ECT2: variants seen among roughly 807,000 people sequenced by gnomAD.
The protein encoded by ECT2 is epithelial cell transforming 2.
In ECT2, 61 loss-of-function variants were observed where a neutral mutation model predicts 116.9. That is an observed-to-expected ratio of 0.52 (90% confidence interval 0.42 to 0.65). The LOEUF is 0.65. ECT2 is among the 30% of genes least tolerant of loss of function. The pLI, the probability that ECT2 is intolerant of heterozygous loss-of-function variation, is 0.00. For synonymous variants in ECT2, 358 were observed against 346.4 expected (o/e 1.03, Z -0.37); for missense variants, 937 against 1,078.7 (o/e 0.87, Z 1.84).
At position 172,818,758 on chromosome 3, in the gene ECT2, G is replaced by A. The variant is rs890515089; in HGVS notation, c.2656-1390G>A. ...TCTTTCCAAGTCATCTTTGACATTT[G>A]TGAAGAATTAGGAGATTTGCCAACC... On this transcript the variant is annotated intron_variant, in intron 24 of 24. Coordinates refer to ENST00000392692, the MANE Select transcript of ECT2 (RefSeq NM_001258315.2). The A allele has an allele frequency of 6.2e-6, 8 of 1,284,698 alleles. No individual in the cohort carries two copies. The Admixed American group carries it at 1.6e-4, about 26-fold the overall frequency. The allele number at this position is 1,284,698 out of a possible 1,614,324, so 79.6% of individuals were successfully genotyped here.
the ECT2 span, chr3:172,829,139 C>G: frequency 3.0e-6 from 2 of 667,354 alleles, no homozygotes; most frequent in Non-Finnish European, 5.6e-6. Flanking sequence ...TGGATCTGAG[C>G]CGGAGAAATG....
In ECT2 at chr3:172,774,000, T is replaced by G; in HGVS notation, c.1526T>G (p.Phe509Cys). 1 of 1,612,554 alleles carries G rather than the reference T, an allele frequency of 6.2e-7. No individual in the cohort carries two copies. Among genetic ancestry groups the G allele is most frequent in the Non-Finnish European group, 8.5e-7 (1 of 1,178,598 alleles). The change falls in exon 14 of 25, where the codon TTT becomes TGT. Residue 509 changes from phenylalanine to cysteine, a missense_variant. Coordinates refer to ENST00000392692, the MANE Select transcript of ECT2 (RefSeq NM_001258315.2). ...KTIFGSIPDI[F>C]DVHTKIKDDL... ...ATTTTTGGTAGCATCCCAGATATCT[T>G]TGATGTACACACTAAGATAAAGGTA...
At position 172,759,056 on chromosome 3, in the gene ECT2, A is replaced by T; in HGVS notation, c.563A>T (p.Lys188Ile). ...NLVLCFTGFRKKEELVRLVTL... is the reference protein window; with the variant it reads ...NLVLCFTGFRIKEELVRLVTL... ...GTACTATGCTTTACTGGATTTAGGA[A>T]AAAAGAAGAACTAGTAAGTATTACG... The change falls in exon 6 of 25, where the codon AAA becomes ATA. Residue 188 changes from lysine to isoleucine, a missense_variant. Coordinates refer to ENST00000392692, the MANE Select transcript of ECT2 (RefSeq NM_001258315.2). The T allele has an allele frequency of 6.3e-7, 1 of 1,597,936 alleles. No homozygotes were observed. The highest frequency in any genetic ancestry group is 2.2e-5 in the East Asian group (1 of 44,634).
intron 22 of ECT2, among the ~76,000 whole-genome samples, chr3:172,815,233 C>A (rs1048787344): frequency 1.3e-5 from 2 of 152,158 alleles, no homozygotes; most frequent in Non-Finnish European, 1.5e-5. Flanking sequence ...AGGAGAAAGT[C>A]TAAATCTTAA....
At chr3:172,764,143 C>T in intron 11 of ECT2, 135 bp from the exon 12 acceptor site, 1 of 733,920 alleles carries the variant, frequency 1.4e-6, no homozygotes, top group Admixed American at 2.8e-5. Context: ...TTTTGAATTG[C>T]CTGGTAGAGT....
chr3:172,809,593 A>G (rs1171995223), intron 22 of ECT2, among the ~76,000 whole-genome samples: 4 of 147,550 alleles, frequency 2.7e-5, no homozygotes, highest in Non-Finnish European at 5.9e-5. Context: ...ACACACACAC[A>G]CACACGCACA....
intron 15 of ECT2, 68 bp downstream of exon 15, chr3:172,782,299 T>G (rs1419283114): frequency 1.3e-5 from 11 of 867,434 alleles, no homozygotes; most frequent in Non-Finnish European, 1.6e-5. Context: ...TGGCAAGGAG[T>G]GTAATTTGCC....
chr3:172,818,882 G>T, intron 24 of ECT2: 1 of 1,128,320 alleles, frequency 8.9e-7, no homozygotes, highest in Non-Finnish European at 1.1e-6. Flanking sequence ...TTTTCTCCAA[G>T]GAATCACTTA....
intron 6 of ECT2, 67 bp from the exon 7 acceptor site, chr3:172,760,089 G>A: frequency 1.0e-6 from 1 of 988,992 alleles, no homozygotes; most frequent in Non-Finnish European, 1.5e-6. Flanking sequence ...TAAATGTGGG[G>A]TAAACATAGT....
intron 22 of ECT2, among the ~76,000 whole-genome samples, chr3:172,809,758 A>G (rs1456981098): frequency 6.6e-6 from 1 of 152,016 alleles, no homozygotes; most frequent in African/African-American, 2.4e-5. Flanking sequence ...ACTAATAAGC[A>G]CAACTATTTT....
rs1207111128 is a variant in ECT2 at position 172,789,495 on chromosome 3, C to T, written c.1907+2921C>T. On this transcript the variant is annotated intron_variant, in intron 18 of 24. Transcript: ENST00000392692. ...TTGGGATTACAGGCATGAGCCACCA[C>T]AGCCGGCCGGCACTTTGTTAAAATA... Among the ~76,000 whole-genome samples, 4 of 152,182 alleles carry T rather than the reference C, an allele frequency of 2.6e-5. No homozygotes were observed. The South Asian group carries it at 8.3e-4, about 32-fold the overall frequency.
chr3:172,779,316 A>T (rs1229111297), intron 14 of ECT2, among the ~76,000 whole-genome samples: 1 of 152,168 alleles, frequency 6.6e-6, no homozygotes, highest in South Asian at 2.1e-4. Flanking sequence ...GCATTTCTGA[A>T]CAGTTCAATC....
At chr3:172,779,100 A>G (rs1184250775) in intron 14 of ECT2, among the ~76,000 whole-genome samples, 2 of 152,196 alleles carry the variant, frequency 1.3e-5, no homozygotes, top group Non-Finnish European at 2.9e-5. Context: ...AAAATCCTCT[A>G]TGATGTAGGA....
Position 172,782,151 on chromosome 3 carries a change from G to T in ECT2, c.1549-12G>T, listed in dbSNP as rs375469102. On this transcript the variant is annotated splice_polypyrimidine_tract_variant and intron_variant, in intron 14 of 24. Transcript: ENST00000392692. The stretch of plus-strand genomic sequence containing the variant: ...GGTTTAATTTTAAATATTTCAATTC[G>T]TGCTATTTCAGGATGATCTTGAAGA... The T allele has an allele frequency of 5.9e-6, 9 of 1,512,732 alleles. No homozygotes were observed. The highest frequency in any genetic ancestry group is 2.4e-5 in the East Asian group (1 of 42,220). The allele number at this position is 1,512,732 out of a possible 1,614,324, so 93.7% of individuals were successfully genotyped here.
chr3:172,795,318 G>A (rs1288601901), intron 18 of ECT2, among the ~76,000 whole-genome samples: 1 of 110,046 alleles, frequency 9.1e-6, no homozygotes, highest in African/African-American at 3.9e-5. Flanking sequence ...AGAGTGAGAC[G>A]CTATCAAAAA....
chr3:172,791,521 C>T (rs894925150), intron 18 of ECT2, among the ~76,000 whole-genome samples: 1 of 152,238 alleles, frequency 6.6e-6, no homozygotes, highest in Non-Finnish European at 1.5e-5. Context: ...TCTCCATTAG[C>T]AGTTGCTGCT....
intron 22 of ECT2, among the ~76,000 whole-genome samples, chr3:172,811,892 G>C (rs1560024259): frequency 6.6e-6 from 1 of 151,684 alleles, no homozygotes; most frequent in Non-Finnish European, 1.5e-5. Context: ...TCATACCCCT[G>C]TCTGGCTAAT....
chr3:172,806,315 A>G (rs956599746), intron 21 of ECT2, among the ~76,000 whole-genome samples: 4 of 151,924 alleles, frequency 2.6e-5, no homozygotes, highest in East Asian at 1.9e-4. Context: ...TGTGGGTGCA[A>G]TAAATAAACT....
At position 172,762,704 on chromosome 3, in the gene ECT2, A is replaced by G; in HGVS notation, c.903A>G (p.Leu301=). ...EMTEMQGGKY[L]PLGDERCTHL... Reference sequence around the variant, plus strand: ...ATTCCTTTTTAGGAGGTAAATATTTACCGCTTGGAGATGAAAGATGCACTC... The same window carrying G: ...ATTCCTTTTTAGGAGGTAAATATTTGCCGCTTGGAGATGAAAGATGCACTC... The change falls in exon 10 of 25, where the codon TTA becomes TTG. Residue 301 remains leucine, a synonymous_variant. Transcript: ENST00000392692. The G allele has an allele frequency of 1.9e-6, 3 of 1,609,802 alleles. No individual in the cohort carries two copies. The highest frequency in any genetic ancestry group is 2.5e-6 in the Non-Finnish European group (3 of 1,178,672).
Sources: gnomAD v4.1 joint callset for allele counts (sites outside exome capture counted in the v4.1 genomes callset) on GRCh38, gnomAD v4.1.1 for gene constraint, MANE v1.5 for transcripts, NCBI Gene and HGNC (gene_info 2026-07-23, HGNC 2026-07-21) for gene names.